The following ADCY3 variants were observed in gnomAD, a reference collection of about 807,000 sequenced individuals.
ADCY3 encodes adenylate cyclase 3, also known as adenylate cyclase type 3.
ADCY3 carries 70 observed loss-of-function variants against 119.4 expected under a neutral mutation model. The observed-to-expected ratio is 0.59, with a 90% CI of 0.48 to 0.72. The LOEUF (loss-of-function observed/expected upper bound fraction) is 0.72, where lower values mean the gene tolerates loss of function less well. ADCY3 is among the 30% of genes least tolerant of loss of function. The pLI, the probability that ADCY3 is intolerant of heterozygous loss-of-function variation, is 0.00. For missense variants in ADCY3, 1,238 were observed against 1,541.6 expected (o/e 0.80, Z 3.30); for synonymous variants, 672 against 621.4 (o/e 1.08, Z -1.21).
At chr2:24,885,494 G>A (rs753803787) in intron 2 of ADCY3, among the ~76,000 whole-genome samples, 2 of 152,172 alleles carry the variant, frequency 1.3e-5, no homozygotes, top group African/African-American at 2.4e-5. Flanking sequence ...TTGGCTGAAC[G>A]CCTGAACCAG....
chr2:24,834,461 G>A lies in ADCY3; in HGVS notation c.1967+24C>T, dbSNP rs756060983. The A allele has an allele frequency of 6.5e-7, 1 of 1,546,722 alleles. No homozygotes were observed. Among genetic ancestry groups the A allele is most frequent in the African/African-American group, 1.4e-5 (1 of 72,902 alleles). ...CACCACCGCAGCCGAGGAAACTCGT[G>A]GCCCTCCCCGGCCCCTCCCTCACCA... On this transcript the variant is annotated intron_variant, in intron 11 of 21. Coordinates refer to ENST00000679454, the MANE Select transcript of ADCY3 (RefSeq NM_004036.5). This position sits in a 1 kb window ranked among gnomAD's most constrained non-coding sequence, Gnocchi z 4.2.
chr2:24,906,081 C>T (rs895071068), intron 2 of ADCY3, among the ~76,000 whole-genome samples: 2 of 152,016 alleles, frequency 1.3e-5, no homozygotes, highest in African/African-American at 2.4e-5. Flanking sequence ...CTGAGGCGGG[C>T]GGATCACCTG....
chr2:24,865,958 G>A (rs1674234446), intron 3 of ADCY3, among the ~76,000 whole-genome samples: 1 of 152,182 alleles, frequency 6.6e-6, no homozygotes. Flanking sequence ...AACAAGGACT[G>A]TGAGCAAGGA....
rs1460344047 is a variant in ADCY3 at position 24,918,541 on chromosome 2, G to A, written c.447C>T (p.Ala149=). ...LPYVLWLLIT[A]QIFSYLGLNF... is the part of the protein sequence containing the mutation. ...TCAGGCCCAGGTAGGAGAAGATCTGGGCGGTTATGAGCAGCCACAGCACGT... is the reference window on the plus strand; with the variant it reads ...TCAGGCCCAGGTAGGAGAAGATCTGAGCGGTTATGAGCAGCCACAGCACGT... The change falls in exon 2 of 22, where the codon GCC becomes GCT. Residue 149 remains alanine (A), a synonymous_variant. Coordinates refer to ENST00000679454, the MANE Select transcript of ADCY3 (RefSeq NM_004036.5). This position sits in a 1 kb window ranked among gnomAD's most constrained non-coding sequence, Gnocchi z 5.4. 6.2e-7 allele frequency: 1 copy of A among 1,613,948 alleles called. No homozygotes were observed. The highest frequency in any genetic ancestry group is 1.3e-5 in the African/African-American group (1 of 74,944).
At position 24,842,643 on chromosome 2, in the gene ADCY3, A is replaced by G. The variant is rs972055344; in HGVS notation, c.826-259T>C. 6 of 468,262 alleles carry G rather than the reference A, an allele frequency of 1.3e-5. No individual in the cohort carries two copies. Among genetic ancestry groups the G allele is most frequent in the African/African-American group, 7.9e-5 (4 of 50,692 alleles). 29.0% of individuals were successfully genotyped at this position (468,262 alleles called of 1,614,324 possible). The stretch of plus-strand genomic sequence containing the variant: ...GCCAGAAACGCAGTGAAGCATCCCA[A>G]CGTGGCTCTGTGCTCAGCATCCTCG... On this transcript the variant is annotated intron_variant, in intron 3 of 21. Transcript: ENST00000679454. The surrounding 1 kb of genome is among the most constrained non-coding windows in gnomAD (Gnocchi z 4.9).
rs558059276 is a variant in ADCY3 at position 24,827,457 on chromosome 2, G to C, written c.2495+89C>G. 9.6e-5 allele frequency: 137 copies of C among 1,428,838 alleles called. 4 individuals are homozygous for C. In the South Asian group the frequency reaches 1.6e-3, roughly 16 times the overall value. 88.5% of individuals were successfully genotyped at this position (1,428,838 alleles called of 1,614,324 possible). Reference sequence around the variant, plus strand: ...ATCAGGTCACGTGCCTCCCGGGAGGGTGAGATCCCGGGGCTTGGGCCTGTT... The same window carrying C: ...ATCAGGTCACGTGCCTCCCGGGAGGCTGAGATCCCGGGGCTTGGGCCTGTT... On this transcript the variant is annotated intron_variant, in intron 15 of 21. Transcript: ENST00000679454.
intron 11 of ADCY3, among the ~76,000 whole-genome samples, chr2:24,831,955 GCAGGGGC>G (rs1669609780): frequency 8.0e-6 from 1 of 125,212 alleles, no homozygotes; most frequent in South Asian, 2.9e-4. Context: ...GCAGACAGGG[GCAGGGGC>G]CAGGGGGCAG....
intron 11 of ADCY3, among the ~76,000 whole-genome samples, chr2:24,833,715 T>TA (rs76311636): frequency 0.15 from 22,882 of 152,188 alleles, 1,801 homozygotes; most frequent in East Asian, 0.22. Context: ...AATCAATACT[T>TA]ATGGAATGAG....
Position 24,918,350 on chromosome 2 carries a change from T to TGCTGC in ADCY3, c.633_637dup (p.Gln213ArgfsTer54). 6.3e-7 allele frequency: 1 copy of TGCTGC among 1,597,090 alleles called. No homozygotes were observed. The highest frequency in any genetic ancestry group is 8.5e-7 in the Non-Finnish European group (1 of 1,171,074). ...CTGCATCCCCTTGAGCTCCTCCTGCTGCTGCTGGGCCACGGTGACCCCCAG... is the reference window on the plus strand; with the variant it reads ...CTGCATCCCCTTGAGCTCCTCCTGCTGCTGCGCTGCTGGGCCACGGTGACCCCCAG... On this transcript the variant is annotated frameshift_variant, in exon 2 of 22. Transcript: ENST00000679454. LOFTEE classifies it high-confidence loss of function. The surrounding 1 kb of genome is among the most constrained non-coding windows in gnomAD (Gnocchi z 5.4).
intron 2 of ADCY3, among the ~76,000 whole-genome samples, chr2:24,885,985 G>T (rs1676977189): frequency 6.6e-6 from 1 of 152,186 alleles, no homozygotes. Context: ...CCACGAAAGT[G>T]CCTGGGGAGG....
intron 2 of ADCY3, among the ~76,000 whole-genome samples, chr2:24,916,107 C>A (rs560445640): frequency 6.6e-6 from 1 of 152,230 alleles, no homozygotes; most frequent in Non-Finnish European, 1.5e-5. Context: ...CAAGGTCAGG[C>A]TCCCCTGGGA....
chr2:24,822,955 C>T (rs1192882143), intron 18 of ADCY3, among the ~76,000 whole-genome samples: 1 of 152,206 alleles, frequency 6.6e-6, no homozygotes, highest in African/African-American at 2.4e-5. Context: ...AGTCCCAGGA[C>T]AGAGAGGTCT....
chr2:24,839,222 G>C (rs529812973), intron 7 of ADCY3, among the ~76,000 whole-genome samples: 1 of 152,154 alleles, frequency 6.6e-6, no homozygotes, highest in African/African-American at 2.4e-5. Flanking sequence ...GATTACAGGC[G>C]TGAGCCACAA....
intron 3 of ADCY3, among the ~76,000 whole-genome samples, chr2:24,847,591 G>T (rs935227376): frequency 6.6e-6 from 1 of 152,204 alleles, no homozygotes; most frequent in African/African-American, 2.4e-5. Context: ...CAGCCTTGGT[G>T]CTTGGCAACT....
chr2:24,896,078 A>G, intron 2 of ADCY3, among the ~76,000 whole-genome samples: 1 of 152,162 alleles, frequency 6.6e-6, no homozygotes. Flanking sequence ...TGATCAAATG[A>G]AACATATTTA....
At chr2:24,825,292 TTCTCTTTTC>T (rs1229537848) in intron 16 of ADCY3, among the ~76,000 whole-genome samples, 2 of 149,154 alleles carry the variant, frequency 1.3e-5, no homozygotes, top group Non-Finnish European at 1.5e-5. Context: ...CCTCTCTTCC[TTCTCTTTTC>T]CTTTTTTGTC....
At chr2:24,916,029 G>A (rs894385262) in intron 2 of ADCY3, among the ~76,000 whole-genome samples, 1 of 152,168 alleles carries the variant, frequency 6.6e-6, no homozygotes, top group Non-Finnish European at 1.5e-5. Flanking sequence ...GCTCCCAATC[G>A]GACCTTGAGA....
intron 3 of ADCY3, among the ~76,000 whole-genome samples, chr2:24,846,005 G>T (rs1288279013): frequency 1.3e-5 from 2 of 152,240 alleles, no homozygotes; most frequent in Non-Finnish European, 2.9e-5. Flanking sequence ...CAGAAGTCAA[G>T]AATTGAGGAT....
Position 24,841,767 on chromosome 2 carries a change from G to C in ADCY3, c.957-100C>G. ...CCAACCCACAGGGCAGCCAGGATCAGGGCAGGAGAAGGTCCTCCCTCACGA... is the reference window on the plus strand; with the variant it reads ...CCAACCCACAGGGCAGCCAGGATCACGGCAGGAGAAGGTCCTCCCTCACGA... On this transcript the variant is annotated intron_variant, in intron 4 of 21. Coordinates refer to ENST00000679454, the MANE Select transcript of ADCY3 (RefSeq NM_004036.5). The surrounding 1 kb of genome is among the most constrained non-coding windows in gnomAD (Gnocchi z 5.8). The C allele has an allele frequency of 2.3e-6, 2 of 878,738 alleles. No homozygotes were observed. Among genetic ancestry groups the C allele is most frequent in the Middle Eastern group, 2.8e-4 (1 of 3,612 alleles). The allele number at this position is 878,738 out of a possible 1,614,324, so 54.4% of individuals were successfully genotyped here.
Sources: allele counts gnomAD v4.1 joint callset (sites outside exome capture counted in the v4.1 genomes callset), GRCh38; gene constraint gnomAD v4.1.1; non-coding constraint Gnocchi (gnomAD v3.1); transcripts MANE v1.5; gene names NCBI Gene and HGNC (gene_info 2026-07-23, HGNC 2026-07-21).